Variants in PRKAR1B observed in about 807,000 individuals in gnomAD.
The protein encoded by PRKAR1B is protein kinase cAMP-dependent type I regulatory subunit beta, also known as cAMP-dependent protein kinase type I-beta regulatory subunit.
A neutral mutation model predicts 46.5 loss-of-function variants in PRKAR1B; 22 were observed. That is an observed-to-expected ratio of 0.47 (90% CI 0.34 to 0.68). The LOEUF is 0.68. Ranked by LOEUF, PRKAR1B falls within the 30% of genes least tolerant of loss-of-function variation. The pLI is 0.01. For missense variants in PRKAR1B, 445 were observed against 535.6 expected (o/e 0.83, Z 1.67); for synonymous variants, 259 against 217.7 (o/e 1.19, Z -1.67).
At position 588,768 on chromosome 7, in the gene PRKAR1B, ATGGTGATGG is replaced by A. The variant is rs1404624483; in HGVS notation, c.709-4209_709-4201del. ...GGTGATGGTGATGGTGATGGTGGTG[ATGGTGATGG>A]TGGTGATGGTGGTGAGGATAGTGAC... is the stretch of plus-strand genomic sequence containing the variant. On this transcript the variant is annotated intron_variant, in intron 7 of 10. Transcript: ENST00000537384. 3.9e-5 allele frequency among the ~76,000 whole-genome samples: 4 copies of A among 101,628 alleles called. 1 individual carries two copies. Among genetic ancestry groups the A allele is most frequent in the Non-Finnish European group, 5.9e-5 (3 of 50,482 alleles). 66.7% of individuals were successfully genotyped at this position (101,628 alleles called of 152,430 possible). A position where few individuals can be genotyped will look rare whatever the true frequency, so the allele number is the denominator to read the frequency against.
chr7:563,325 A>G (rs992090499), intron 9 of PRKAR1B, among the ~76,000 whole-genome samples: 2 of 152,364 alleles, frequency 1.3e-5, no homozygotes, highest in Non-Finnish European at 2.9e-5. Context: ...AATGAGCCTA[A>G]AAACCCTCCA....
In PRKAR1B at chr7:727,249, G is replaced by T. The variant is rs1262866371; in HGVS notation, c.-62C>A. On this transcript the variant is annotated 5_prime_UTR_variant, in exon 1 of 11. Transcript: ENST00000537384. Reference sequence around the variant, plus strand: ...GCGCGCGCTGCGCTGCTCCCTGCTCGACCCCTTCGCCGCCGTGCGCCGCGA... The same window carrying T: ...GCGCGCGCTGCGCTGCTCCCTGCTCTACCCCTTCGCCGCCGTGCGCCGCGA... 1 of 1,344,500 alleles carries T rather than the reference G, an allele frequency of 7.4e-7. No homozygotes were observed. The highest frequency in any genetic ancestry group is 9.5e-7 in the Non-Finnish European group (1 of 1,050,944). 83.3% of individuals were successfully genotyped at this position (1,344,500 alleles called of 1,614,324 possible).
intron 4 of PRKAR1B, among the ~76,000 whole-genome samples, chr7:665,533 C>T (rs118011332): frequency 6.6e-6 from 1 of 152,216 alleles, no homozygotes; most frequent in Non-Finnish European, 1.5e-5. Flanking sequence ...CCCGGGCTCA[C>T]GTGGCCCCTG....
chr7:579,692 C>T (rs1007535496), intron 8 of PRKAR1B, among the ~76,000 whole-genome samples: 1 of 152,224 alleles, frequency 6.6e-6, no homozygotes, highest in Admixed American at 6.5e-5. Context: ...AAACTGACTC[C>T]AGGTTAACTC....
At chr7:626,823 G>A (rs1029566335) in intron 4 of PRKAR1B, among the ~76,000 whole-genome samples, 1 of 151,890 alleles carries the variant, frequency 6.6e-6, no homozygotes, top group South Asian at 2.1e-4. Flanking sequence ...CGGTCCTCCC[G>A]CCTCAGCCTC....
intron 7 of PRKAR1B, among the ~76,000 whole-genome samples, chr7:585,866 G>A (rs759922369): frequency 2.0e-5 from 3 of 152,098 alleles, no homozygotes; most frequent in Non-Finnish European, 4.4e-5. Context: ...GAATGGGGAC[G>A]TATTTTACCC....
At chr7:689,648 G>A (rs1011006412) in intron 2 of PRKAR1B, among the ~76,000 whole-genome samples, 1 of 151,638 alleles carries the variant, frequency 6.6e-6, no homozygotes, top group Non-Finnish European at 1.5e-5. Context: ...GAGGGGAGGG[G>A]GAGGAGAGCC....
intron 4 of PRKAR1B, among the ~76,000 whole-genome samples, chr7:653,470 T>C (rs956335071): frequency 2.0e-5 from 3 of 152,170 alleles, no homozygotes; most frequent in Non-Finnish European, 4.4e-5. Context: ...AAGCCTTTAG[T>C]AAACTCTCTT....
chr7:631,342 T>TCATGC (rs1783725924), intron 4 of PRKAR1B, among the ~76,000 whole-genome samples: 1 of 152,186 alleles, frequency 6.6e-6, no homozygotes, highest in South Asian at 2.1e-4. Context: ...TCTCGCCATG[T>TCATGC]CATGCCATAG....
At chr7:722,096 CT>C (rs147399956) in intron 1 of PRKAR1B, among the ~76,000 whole-genome samples, 1,230 of 92,300 alleles carry the variant, frequency 0.013, 12 homozygotes, top group East Asian at 0.047. Flanking sequence ...AGTTTTCAGC[CT>C]TTTTTTTTTT....
chr7:675,178 T>C (rs957780769), intron 4 of PRKAR1B, among the ~76,000 whole-genome samples: 1 of 152,204 alleles, frequency 6.6e-6, no homozygotes, highest in Non-Finnish European at 1.5e-5. Flanking sequence ...TAAACTCTGA[T>C]TCATTCTTAC....
intron 4 of PRKAR1B, among the ~76,000 whole-genome samples, chr7:622,872 C>T (rs890527680): frequency 1.3e-5 from 2 of 151,550 alleles, no homozygotes; most frequent in East Asian, 1.9e-4. Flanking sequence ...AAAGAGTGGC[C>T]TGCTCAGTCT....
intron 9 of PRKAR1B, among the ~76,000 whole-genome samples, chr7:574,853 T>C (rs556464607): frequency 5.3e-5 from 8 of 152,380 alleles, no homozygotes; most frequent in African/African-American, 1.9e-4. Flanking sequence ...CTGGGCCAGA[T>C]TGAGCCTGTA....
chr7:647,557 A>G (rs903357990), intron 4 of PRKAR1B, among the ~76,000 whole-genome samples: 43 of 152,140 alleles, frequency 2.8e-4, no homozygotes, highest in African/African-American at 1.0e-3. Flanking sequence ...CTGTAATCCC[A>G]GCACTTTGGG....
At chr7:680,872 GTGTCCCCACCCAAATCTCTTTTTC>G (rs1778642598) in intron 2 of PRKAR1B, 146 bp from the exon 3 acceptor site, 3 of 909,226 alleles carry the variant, frequency 3.3e-6, no homozygotes, top group Non-Finnish European at 1.6e-6. Flanking sequence ...GTTAGGCTTT[GTGTCCCCACCCAAATCTCTTTTTC>G]TGTCCCCACC....
intron 8 of PRKAR1B, among the ~76,000 whole-genome samples, chr7:580,153 C>T (rs1184673696): frequency 1.3e-5 from 2 of 150,362 alleles, no homozygotes; most frequent in Admixed American, 6.7e-5. Flanking sequence ...ATCACTTGAG[C>T]GCGGGAGGTC....
chr7:687,174 G>A (rs1305265782), intron 2 of PRKAR1B, among the ~76,000 whole-genome samples: 3 of 152,052 alleles, frequency 2.0e-5, no homozygotes, highest in Admixed American at 6.6e-5. Context: ...GTAATGTTGG[G>A]AACTCAATCA....
intron 4 of PRKAR1B, among the ~76,000 whole-genome samples, chr7:639,042 T>C (rs28595224): frequency 0.16 from 24,417 of 152,010 alleles, 2,205 homozygotes; most frequent in South Asian, 0.29. Context: ...CGCGCCACTG[T>C]ACTCCAGCCT....
At chr7:556,686 T>C (rs1223602073) in intron 9 of PRKAR1B, among the ~76,000 whole-genome samples, 1 of 152,130 alleles carries the variant, frequency 6.6e-6, no homozygotes, top group African/African-American at 2.4e-5. Flanking sequence ...AGGAAGGTGT[T>C]TGGTGCCTGT....
Sources: allele counts gnomAD v4.1 joint callset (sites outside exome capture counted in the v4.1 genomes callset), GRCh38; gene constraint gnomAD v4.1.1; transcripts MANE v1.5; gene names NCBI Gene and HGNC (gene_info 2026-07-23, HGNC 2026-07-21).